The following PLEKHA1 variants were observed in gnomAD, a reference collection of about 807,000 sequenced individuals.
PLEKHA1 encodes the protein pleckstrin homology domain-containing family A member 1.
PLEKHA1 carries 34 observed loss-of-function variants against 52.0 expected under a neutral mutation model. The ratio of observed to expected loss-of-function variants is 0.65; its 90% confidence interval spans 0.50 to 0.87. PLEKHA1 has a LOEUF of 0.87. Ranked by LOEUF, PLEKHA1 falls within the 40% of genes least tolerant of loss-of-function variation. The pLI, the probability that PLEKHA1 is intolerant of heterozygous loss-of-function variation, is 0.00. For missense variants in PLEKHA1, 497 were observed against 504.2 expected (o/e 0.99, Z 0.14); for synonymous variants, 163 against 170.7 (o/e 0.95, Z 0.35).
At chr10:122,414,725 A>T (rs1331093768) in intron 6 of PLEKHA1, among the ~76,000 whole-genome samples, 2 of 152,168 alleles carry the variant, frequency 1.3e-5, no homozygotes, top group Non-Finnish European at 2.9e-5. Flanking sequence ...CAGGGAAAAA[A>T]TACAAATTAA....
rs544551962 is a variant in PLEKHA1, at chr10:122,389,514, A to G, written c.-20-3667A>G. Among the ~76,000 whole-genome samples, 5 of 152,340 alleles carry G rather than the reference A, an allele frequency of 3.3e-5. No individual in the cohort carries two copies. The South Asian group carries it at 1.0e-3, about 32-fold the overall frequency. ...CAGGAGTTTGAGAGCAGCCCGGCCA[A>G]TGTGGTGAAACCCTGTTTCTACTAA... On this transcript the variant is annotated intron_variant, in intron 1 of 11. Transcript: ENST00000368990.
At position 122,415,958 on chromosome 10, in the gene PLEKHA1, A is replaced by G. The variant is rs771877618; in HGVS notation, c.568A>G (p.Ser190Gly). 1 of 1,613,362 alleles carries G rather than the reference A, an allele frequency of 6.2e-7. No individual in the cohort carries two copies. Among genetic ancestry groups the G allele is most frequent in the Non-Finnish European group, 8.5e-7 (1 of 1,179,564 alleles). The change falls in exon 7 of 12, where the codon AGT (serine) becomes GGT (glycine). Residue 190 changes from serine to glycine, a missense_variant. Transcript: ENST00000368990. ...CTTTACTCCTAAACCACCTCAAGAT[A>G]GTGCGGTTATCAAAGCTGGATATTG... ...PYFTPKPPQD[S>G]AVIKAGYCVK... is the part of the protein sequence containing the mutation.
At chr10:122,400,206 T>TG in intron 3 of PLEKHA1, 137 bp from the exon 4 acceptor site, 1 of 608,904 alleles carries the variant, frequency 1.6e-6, no homozygotes. Context: ...CTCTTTTAGT[T>TG]GTCTTTAATT....
In PLEKHA1 at chr10:122,429,688, C is replaced by T; in HGVS notation, c.965C>T (p.Thr322Ile). 1 of 1,614,154 alleles carries T rather than the reference C, an allele frequency of 6.2e-7. No individual in the cohort carries two copies. Reference sequence around the variant, plus strand: ...CGTCCTACCAACGCAGCCACCGCCACCTCACATTCCACAGCCTCTCGCAGC... The same window carrying T: ...CGTCCTACCAACGCAGCCACCGCCATCTCACATTCCACAGCCTCTCGCAGC... ...AFRPTNAATA[T>I]SHSTASRSNS... is the part of the protein sequence containing the mutation. Residue 322 changes from threonine (T) to isoleucine (I), a missense_variant, in exon 12 of 12, where the codon ACC becomes ATC. Physicochemically the swap from Thr to Ile is moderately conservative, Grantham distance 89. Coordinates refer to ENST00000368990, the MANE Select transcript of PLEKHA1 (RefSeq NM_001001974.4).
In PLEKHA1 at chr10:122,406,673, A is replaced by G. The variant is rs2097020475; in HGVS notation, c.342A>G (p.Thr114=). The stretch of plus-strand genomic sequence containing the variant: ...TGTTAAACAAAGCTATAAAAATTAC[A>G]GTAAGTATATGTATTTTTTTGAAAA... ...VNVLNKAIKI[T]VPKQSDSQPN... Residue 114 remains threonine, a splice_region_variant and synonymous_variant, in exon 5 of 12, where the codon ACA becomes ACG. Coordinates refer to ENST00000368990, the MANE Select transcript of PLEKHA1 (RefSeq NM_001001974.4). 1 of 1,592,504 alleles carries G rather than the reference A, an allele frequency of 6.3e-7. No individual in the cohort carries two copies. Among genetic ancestry groups the G allele is most frequent in the Non-Finnish European group, 8.6e-7 (1 of 1,161,284 alleles).
intron 10 of PLEKHA1, chr10:122,425,487 G>A (rs892706750): frequency 2.0e-5 from 3 of 152,260 alleles, no homozygotes; most frequent in African/African-American, 7.2e-5. Flanking sequence ...GGGAGGCCAA[G>A]GCAGGCACAT....
At position 122,429,718 on chromosome 10, in the gene PLEKHA1, C is replaced by G. The variant is rs770200027; in HGVS notation, c.995C>G (p.Ser332Cys). 2 of 1,614,184 alleles carry G rather than the reference C, an allele frequency of 1.2e-6. No homozygotes were observed. Among genetic ancestry groups the G allele is most frequent in the Non-Finnish European group, 1.7e-6 (2 of 1,180,036 alleles). Residue 332 changes from serine (S) to cysteine (C), a missense_variant, in exon 12 of 12, where the codon TCT becomes TGT. Ser to Cys is a moderately radical substitution (Grantham distance 112). Coordinates refer to ENST00000368990, the MANE Select transcript of PLEKHA1 (RefSeq NM_001001974.4). ...CATTCCACAGCCTCTCGCAGCAACT[C>G]TTTGGTCTCAACCTTTACCATGGAG... ...TSHSTASRSN[S>C]LVSTFTMEKR...
intron 10 of PLEKHA1, among the ~76,000 whole-genome samples, chr10:122,425,977 C>T (rs2097333406): frequency 6.6e-6 from 1 of 151,978 alleles, no homozygotes; most frequent in Non-Finnish European, 1.5e-5. Context: ...TTTCCCATGT[C>T]ATTAAAAATT....
At position 122,389,715 on chromosome 10, in the gene PLEKHA1, A is replaced by T. The variant is rs537986338; in HGVS notation, c.-20-3466A>T. Among the ~76,000 whole-genome samples, 27 of 151,466 alleles carry T rather than the reference A, an allele frequency of 1.8e-4. No homozygotes were observed. The East Asian group carries it at 2.3e-3, about 13-fold the overall frequency. ...AGCAAGACTCCATCTCAAAAAAAAA[A>T]TTTTTTTTTCAGTAAAACATGCTGT... On this transcript the variant is annotated intron_variant, in intron 1 of 11. Transcript: ENST00000368990.
chr10:122,397,671 A>G (rs2134152257), intron 2 of PLEKHA1, among the ~76,000 whole-genome samples: 1 of 152,234 alleles, frequency 6.6e-6, no homozygotes, highest in East Asian at 1.9e-4. Flanking sequence ...GTTTAGCTCC[A>G]GTGATAAAAA....
chr10:122,397,824 G>GT (rs1222643752), intron 2 of PLEKHA1, 94 bp from the exon 3 acceptor site: 4 of 995,448 alleles, frequency 4.0e-6, no homozygotes, highest in Middle Eastern at 3.3e-4. Flanking sequence ...AAAAAATTGA[G>GT]TTTTTAACTT....
At chr10:122,407,213 CA>C (rs1260093505) in intron 5 of PLEKHA1, among the ~76,000 whole-genome samples, 4 of 152,156 alleles carry the variant, frequency 2.6e-5, no homozygotes, top group African/African-American at 9.7e-5. Flanking sequence ...AAGTTTGTCT[CA>C]GGCTCTAAAC....
At chr10:122,381,428 A>G (rs1411459371) in intron 1 of PLEKHA1, among the ~76,000 whole-genome samples, 1 of 152,206 alleles carries the variant, frequency 6.6e-6, no homozygotes, top group East Asian at 1.9e-4. Flanking sequence ...CATGGGACAG[A>G]CATCCCTACT....
rs1565196491 is a variant in PLEKHA1, at chr10:122,399,739, TG to T, written c.199-603del. Among the ~76,000 whole-genome samples the T allele has an allele frequency of 1.1e-4, 17 of 152,132 alleles. No individual in the cohort carries two copies. In the South Asian group the frequency reaches 3.3e-3, roughly 30 times the overall value. ...CTGGGACTACAGGCGCCCGCCACCA[TG>T]CCCAGCTAATTTTTTTTTGTATTTT... is the stretch of plus-strand genomic sequence containing the variant. On this transcript the variant is annotated intron_variant, in intron 3 of 11. Transcript: ENST00000368990.
At chr10:122,423,127 T>TTTA (rs1554935767) in intron 8 of PLEKHA1, 1 of 149,746 alleles carries the variant, frequency 6.7e-6, no homozygotes, top group Non-Finnish European at 1.5e-5. Flanking sequence ...TTTTTTTTTT[T>TTTA]AAAAAAGCAC....
the PLEKHA1 span, chr10:122,441,214 A>G: frequency 6.6e-6 from 1 of 152,214 alleles, no homozygotes; most frequent in African/African-American, 2.4e-5. Flanking sequence ...TCACACCTAT[A>G]ATCGCAGCAC....
intron 8 of PLEKHA1, chr10:122,419,804 T>G (rs1200687891): frequency 6.6e-6 from 1 of 152,232 alleles, no homozygotes; most frequent in Non-Finnish European, 1.5e-5. Context: ...TTATCTCCTA[T>G]GGTAGTTCTT....
At chr10:122,423,008 G>T (rs948853741) in intron 8 of PLEKHA1, 6 of 151,960 alleles carry the variant, frequency 3.9e-5, no homozygotes, top group Admixed American at 2.0e-4. Context: ...CAAGGTGTAG[G>T]TTATGCAGAA....
intron 4 of PLEKHA1, among the ~76,000 whole-genome samples, chr10:122,403,912 G>A (rs192329896): frequency 1.9e-3 from 286 of 152,170 alleles, no homozygotes; most frequent in African/African-American, 6.7e-3. Flanking sequence ...GGCTTGTCTC[G>A]AACCCCTGAC....
Sources: allele counts gnomAD v4.1 joint callset (sites outside exome capture counted in the v4.1 genomes callset), GRCh38; gene constraint gnomAD v4.1.1; transcripts MANE v1.5; gene names NCBI Gene and HGNC (gene_info 2026-07-23, HGNC 2026-07-21).